Variants in GBGT1 observed in about 807,000 individuals in gnomAD.
The protein encoded by GBGT1 is globoside alpha-1,3-N-acetylgalactosaminyltransferase 1.
A neutral mutation model predicts 20.9 loss-of-function variants in GBGT1; 18 were observed. The ratio of observed to expected loss-of-function variants is 0.86; its 90% CI spans 0.60 to 1.28. The LOEUF is 1.28. Among genes scored for constraint, GBGT1 ranks in the 50% most tolerant of loss-of-function variants. The probability of loss-of-function intolerance (pLI) is 0.00; values close to 1 mark genes in which losing one functional copy is unlikely to be tolerated. For missense variants in GBGT1, 432 were observed against 455.7 expected (o/e 0.95, Z 0.47); for synonymous variants, 168 against 180.8 (o/e 0.93, Z 0.57).
chr9:133,161,146 C>T (rs191883145), intron 3 of GBGT1: 7 of 403,242 alleles, frequency 1.7e-5, no homozygotes, highest in Admixed American at 4.4e-5. Flanking sequence ...TGCTGGTCAC[C>T]GGGAGCAACA....
At chr9:133,156,341 G>A (rs527699224) in intron 3 of GBGT1, among the ~76,000 whole-genome samples, 22 of 152,246 alleles carry the variant, frequency 1.4e-4, no homozygotes, top group Admixed American at 9.2e-4. Context: ...CAACCATGTC[G>A]CTCTCGTTGT....
Position 133,153,677 on chromosome 9 carries a change from G to A in GBGT1, c.944C>T (p.Ser315Phe). The A allele has an allele frequency of 6.2e-7, 1 of 1,613,450 alleles. No individual in the cohort carries two copies. Among genetic ancestry groups the A allele is most frequent in the Non-Finnish European group, 8.5e-7 (1 of 1,179,606 alleles). Residue 315 changes from serine (S) to phenylalanine (F), a missense_variant, in exon 7 of 7, where the codon TCC becomes TTC. Coordinates refer to ENST00000372040, the MANE Select transcript of GBGT1 (RefSeq NM_021996.6). Reference protein sequence around the residue: ...FISNKPSKVLSPEYLWDDRKP... With the variant: ...FISNKPSKVLFPEYLWDDRKP... Reference sequence around the variant, plus strand: ...CCTGTCGTCCCAGAGGTACTCGGGGGACAGCACCTTGGACGGCTTGTTTGA... The same window carrying A: ...CCTGTCGTCCCAGAGGTACTCGGGGAACAGCACCTTGGACGGCTTGTTTGA...
At chr9:133,156,220 A>G in intron 3 of GBGT1, 155 bp from the exon 4 acceptor site, 1 of 770,036 alleles carries the variant, frequency 1.3e-6, no homozygotes, top group African/African-American at 1.7e-5. Flanking sequence ...CCGACTCTAC[A>G]GAGGAGCTGG....
At chr9:133,163,401 C>A (rs1214102862) in intron 1 of GBGT1, 1 of 152,564 alleles carries the variant, frequency 6.6e-6, no homozygotes, top group African/African-American at 2.4e-5. Context: ...GGGGAGGACA[C>A]GCGGGAACGG....
chr9:133,163,792 C>G lies in GBGT1; in HGVS notation c.-159G>C, dbSNP rs1419229449. The G allele has an allele frequency of 1.3e-5, 2 of 152,512 alleles. No individual in the cohort carries two copies. Among genetic ancestry groups the G allele is most frequent in the Admixed American group, 6.5e-5 (1 of 15,290 alleles). 9.4% of individuals were successfully genotyped at this position (152,512 alleles called of 1,614,324 possible). ...CCCGGCGTTAGGACGGTTGGAGGGG[C>G]GCCACCCCGGCGCGGAAAACGGACT... On this transcript the variant is annotated 5_prime_UTR_variant, in exon 1 of 7. Transcript: ENST00000372040.
chr9:133,160,693 T>G (rs1833011399), intron 3 of GBGT1, among the ~76,000 whole-genome samples: 1 of 152,020 alleles, frequency 6.6e-6, no homozygotes, highest in African/African-American at 2.4e-5. Flanking sequence ...AAAAATTATG[T>G]GTCAGTCCCT....
intron 5 of GBGT1, 138 bp downstream of exon 5, chr9:133,155,763 C>A (rs1832852530): frequency 3.3e-6 from 3 of 896,938 alleles, no homozygotes; most frequent in Non-Finnish European, 5.4e-6. Flanking sequence ...TGACTCCCAG[C>A]CCTGTGTCTT....
chr9:133,154,334 GC>G lies in GBGT1; in HGVS notation c.360-74del. ...GGGTCCCCACTGTGTGCTGGGGTCA[GC>G]CAGGCTGGGGTCCACTTACCAGCTC... On this transcript the variant is annotated intron_variant, in intron 6 of 6. Coordinates refer to ENST00000372040, the MANE Select transcript of GBGT1 (RefSeq NM_021996.6). This position sits in a 1 kb window ranked among gnomAD's most constrained non-coding sequence, Gnocchi z 4.2. 1.1e-6 allele frequency: 1 copy of G among 922,322 alleles called. No individual in the cohort carries two copies. Among genetic ancestry groups the G allele is most frequent in the Non-Finnish European group, 1.6e-6 (1 of 626,256 alleles). The allele number at this position is 922,322 out of a possible 1,614,324, so 57.1% of individuals were successfully genotyped here.
intron 5 of GBGT1, 24 bp downstream of exon 5, chr9:133,155,877 A>C: frequency 6.2e-7 from 1 of 1,613,194 alleles, no homozygotes; most frequent in Non-Finnish European, 8.5e-7. Context: ...CCCCGCCCCC[A>C]TCAGGCCTCT....
intron 3 of GBGT1, chr9:133,161,164 G>C: frequency 2.4e-6 from 1 of 408,916 alleles, no homozygotes. Flanking sequence ...ACAGCAGGCT[G>C]TTTATGGGCA....
At chr9:133,162,642 G>A (rs1369555298) in intron 1 of GBGT1, 110 bp from the exon 2 acceptor site, 6 of 557,542 alleles carry the variant, frequency 1.1e-5, no homozygotes, top group Non-Finnish European at 1.9e-5. Context: ...TTGGGTTCAA[G>A]CGATTCTCTT....
At chr9:133,158,284 T>A (rs1832932787) in intron 3 of GBGT1, among the ~76,000 whole-genome samples, 1 of 152,166 alleles carries the variant, frequency 6.6e-6, no homozygotes, top group South Asian at 2.1e-4. Context: ...TTTCTTTCTT[T>A]CTTTTCTTTT....
At chr9:133,155,573 C>T (rs1832847243) in intron 5 of GBGT1, among the ~76,000 whole-genome samples, 1 of 152,184 alleles carries the variant, frequency 6.6e-6, no homozygotes, top group Admixed American at 6.5e-5. Context: ...TTAAAAAGGG[C>T]AAGACCACGT....
Position 133,153,670 on chromosome 9 carries a change from C to G in GBGT1, c.951G>C (p.Glu317Asp), listed in dbSNP as rs1832776764. Reference sequence around the variant, plus strand: ...GGGGCTTCCTGTCGTCCCAGAGGTACTCGGGGGACAGCACCTTGGACGGCT... The same window carrying G: ...GGGGCTTCCTGTCGTCCCAGAGGTAGTCGGGGGACAGCACCTTGGACGGCT... ...SNKPSKVLSP[E>D]YLWDDRKPQP... Residue 317 changes from glutamate to aspartate, a missense_variant, in exon 7 of 7, where the codon GAG becomes GAC. Glu to Asp is a conservative substitution (Grantham distance 45, BLOSUM62 2). Transcript: ENST00000372040. 1 of 1,613,426 alleles carries G rather than the reference C, an allele frequency of 6.2e-7. No individual in the cohort carries two copies. Among genetic ancestry groups the G allele is most frequent in the Non-Finnish European group, 8.5e-7 (1 of 1,179,730 alleles).
Position 133,153,324 on chromosome 9 carries a change from C to G in GBGT1, c.*253G>C, listed in dbSNP as rs1485104506. On this transcript the variant is annotated 3_prime_UTR_variant, in exon 7 of 7. Coordinates refer to ENST00000372040, the MANE Select transcript of GBGT1 (RefSeq NM_021996.6). ...AGGCACGGCTGCAGAACGTGGCAAG[C>G]CTGCCGGGCCCTGCCTTTGTAACTG... 2 of 364,898 alleles carry G rather than the reference C, an allele frequency of 5.5e-6. No homozygotes were observed. The highest frequency in any genetic ancestry group is 4.2e-5 in the African/African-American group (2 of 47,966). 22.6% of individuals were successfully genotyped at this position (364,898 alleles called of 1,614,324 possible).
At chr9:133,160,671 A>G (rs1381099598) in intron 3 of GBGT1, among the ~76,000 whole-genome samples, 1 of 152,172 alleles carries the variant, frequency 6.6e-6, no homozygotes, top group Non-Finnish European at 1.5e-5. Context: ...GGTGGGAAAG[A>G]GAGAGAGGCT....
Position 133,154,241 on chromosome 9 carries a change from G to A in GBGT1, c.380C>T (p.Ser127Phe). The stretch of plus-strand genomic sequence containing the variant: ...GAACTCCTCGGCTGACTCCAGGAAG[G>A]ACTGGATGAAATGAGTGTACCTAGT... ...AVGKYTHFIQSFLESAEEFFM... is the reference protein window; with the variant it reads ...AVGKYTHFIQFFLESAEEFFM... Residue 127 changes from serine to phenylalanine, a missense_variant, in exon 7 of 7, where the codon TCC (serine) becomes TTC (phenylalanine). By Grantham distance (155) the Ser-to-Phe change is radical. Coordinates refer to ENST00000372040, the MANE Select transcript of GBGT1 (RefSeq NM_021996.6). This position sits in a 1 kb window ranked among gnomAD's most constrained non-coding sequence, Gnocchi z 4.2. The A allele has an allele frequency of 6.5e-7, 1 of 1,529,188 alleles. No homozygotes were observed. Among genetic ancestry groups the A allele is most frequent in the Non-Finnish European group, 8.8e-7 (1 of 1,134,278 alleles). 94.7% of individuals were successfully genotyped at this position (1,529,188 alleles called of 1,614,324 possible).
chr9:133,154,192 G>A lies in GBGT1; in HGVS notation c.429C>T (p.His143=), dbSNP rs764757622. The stretch of plus-strand genomic sequence containing the variant: ...CAGGGTTGTCAGTGAAGATGTAGTA[G>A]TGCACCCGGTACCCACGCATGAAGA... ...EEFFMRGYRV[H]YYIFTDNPAA... is the part of the protein sequence containing the mutation. The change falls in exon 7 of 7, where the codon CAC becomes CAT. Residue 143 remains histidine (H), a synonymous_variant. Coordinates refer to ENST00000372040, the MANE Select transcript of GBGT1 (RefSeq NM_021996.6). This position sits in a 1 kb window ranked among gnomAD's most constrained non-coding sequence, Gnocchi z 4.2. 6.3e-6 allele frequency: 10 copies of A among 1,576,624 alleles called. No individual in the cohort carries two copies. In the African/African-American group the frequency reaches 9.4e-5, roughly 15 times the overall value.
rs1166407195 is a variant in GBGT1, at chr9:133,162,380, C to A, written c.33G>T (p.Gly11=). ...GGCTTGTGCCCGCCAACAGGCAGAA[C>A]CCCAGACCCAGGGCCAGTCTCCGGC... The part of the protein sequence containing the change: MHRRRLALGL[G]FCLLAGTSLS... The change falls in exon 2 of 7, where the codon GGG becomes GGT. Residue 11 remains glycine (G), a synonymous_variant. Coordinates refer to ENST00000372040, the MANE Select transcript of GBGT1 (RefSeq NM_021996.6). 16 of 1,610,572 alleles carry A rather than the reference C, an allele frequency of 9.9e-6. No individual in the cohort carries two copies. Among genetic ancestry groups the A allele is most frequent in the Non-Finnish European group, 1.3e-5 (15 of 1,179,306 alleles).
Sources: gnomAD v4.1 joint callset for allele counts (sites outside exome capture counted in the v4.1 genomes callset) on GRCh38, gnomAD v4.1.1 for gene constraint, Gnocchi (gnomAD v3.1) non-coding constraint, MANE v1.5 for transcripts, NCBI Gene and HGNC (gene_info 2026-07-23, HGNC 2026-07-21) for gene names.